The following IFT70B variants were observed in gnomAD, a reference collection of about 807,000 sequenced individuals.
IFT70B encodes the protein intraflagellar transport protein 70B.
chr2:177,551,922 G>T, the IFT70B span: 1 of 1,614,208 alleles, frequency 6.2e-7, no homozygotes, highest in South Asian at 1.1e-5. Context: ...CTCTTCCTCT[G>T]CCCTGGGTGG....
the IFT70B span, chr2:177,552,771 A>T: frequency 3.3e-6 from 5 of 1,534,946 alleles, no homozygotes; most frequent in South Asian, 5.0e-5. Context: ...CATAACCACC[A>T]CGGCTGTTAT....
At chr2:177,550,678 G>T in the IFT70B span, 1 of 1,221,508 alleles carries the variant, frequency 8.2e-7, no homozygotes, top group Non-Finnish European at 1.1e-6. Context: ...AGTTCAACAT[G>T]TAACAAATAT....
chr2:177,550,520 G>A, the IFT70B span: 4 of 345,258 alleles, frequency 1.2e-5, no homozygotes, highest in Admixed American at 4.5e-5. Context: ...GGAAACAAAC[G>A]TATTACAACT....
the IFT70B span, chr2:177,549,731 T>C: frequency 6.6e-6 from 1 of 152,216 alleles, no homozygotes; most frequent in African/African-American, 2.4e-5. Context: ...CAAATAACTC[T>C]TGGGAGTTGC....
At chr2:177,549,321 A>G in the IFT70B span, 1 of 152,346 alleles carries the variant, frequency 6.6e-6, no homozygotes, top group East Asian at 1.9e-4. Flanking sequence ...CAATAAGCCA[A>G]ATTTCCTGGT....
At chr2:177,551,061 A>G in the IFT70B span, 2 of 1,614,200 alleles carry the variant, frequency 1.2e-6, no homozygotes, top group Non-Finnish European at 1.7e-6. Flanking sequence ...CAAGCTTTTG[A>G]TAACTCGAGA....
chr2:177,550,903 G>T, the IFT70B span: 1 of 1,614,096 alleles, frequency 6.2e-7, no homozygotes, highest in Non-Finnish European at 8.5e-7. Context: ...CTGCCATGAA[G>T]TTCACAGTGT....
At chr2:177,552,686 G>A in the IFT70B span, 1 of 1,598,352 alleles carries the variant, frequency 6.3e-7, no homozygotes, top group Non-Finnish European at 8.5e-7. Context: ...CCTCGGCGTA[G>A]CGTGCATTGC....
At chr2:177,551,188 T>C in the IFT70B span, 1 of 1,613,874 alleles carries the variant, frequency 6.2e-7, no homozygotes, top group African/African-American at 1.3e-5. Context: ...TCTTCCTCCT[T>C]TTCAATCTTC....
chr2:177,552,479 ATAAAGGCAGGCCTTGTAC>A, the IFT70B span: 11 of 1,611,404 alleles, frequency 6.8e-6, no homozygotes, highest in Non-Finnish European at 9.3e-6. Context: ...TGGCCTCCGC[ATAAAGGCAGGCCTTGTAC>A]AGGGCCTGGG....
chr2:177,551,143 A>G, the IFT70B span: 1 of 1,614,156 alleles, frequency 6.2e-7, no homozygotes, highest in Non-Finnish European at 8.5e-7. Flanking sequence ...CAGAGATGGT[A>G]CATTTTCTTA....
the IFT70B span, chr2:177,550,185 T>C: frequency 4.9e-4 from 75 of 152,380 alleles, no homozygotes; most frequent in Non-Finnish European, 1.0e-3. Context: ...TGTCTCTACA[T>C]TATAGCACCA....
At chr2:177,552,689 T>C in the IFT70B span, 10 of 1,599,650 alleles carry the variant, frequency 6.3e-6, no homozygotes, top group South Asian at 7.8e-5. Context: ...CGGCGTAGCG[T>C]GCATTGCGGA....
chr2:177,550,620 C>T, the IFT70B span: 1 of 665,738 alleles, frequency 1.5e-6, no homozygotes, highest in Non-Finnish European at 2.3e-6. Flanking sequence ...GGAAATTTAA[C>T]AGCAAAAGTT....
the IFT70B span, chr2:177,552,250 C>T: frequency 1.9e-6 from 3 of 1,614,134 alleles, no homozygotes; most frequent in Non-Finnish European, 2.5e-6. Context: ...GAGCATGCAG[C>T]TTCATACTGT....
the IFT70B span, chr2:177,552,505 G>A: frequency 6.2e-7 from 1 of 1,606,310 alleles, no homozygotes; most frequent in South Asian, 1.1e-5. Context: ...TACAGGGCCT[G>A]GGCCTGGTAC....
chr2:177,551,057 T>C, the IFT70B span: 1 of 1,614,198 alleles, frequency 6.2e-7, no homozygotes, highest in Non-Finnish European at 8.5e-7. Context: ...GTTCCAAGCT[T>C]TTGATAACTC....
chr2:177,552,774 G>A, the IFT70B span: 5 of 1,522,208 alleles, frequency 3.3e-6, no homozygotes, highest in East Asian at 2.3e-5. Context: ...AACCACCACG[G>A]CTGTTATGGG....
the IFT70B span, chr2:177,552,412 G>A: frequency 1.9e-6 from 3 of 1,613,798 alleles, no homozygotes; most frequent in Non-Finnish European, 2.5e-6. Flanking sequence ...GCAGCTTGCA[G>A]GCGGAGGACC....
Sources: allele counts gnomAD v4.1 joint callset, GRCh38; gene constraint gnomAD v4.1.1; transcripts MANE v1.5; gene names NCBI Gene and HGNC (gene_info 2026-07-23, HGNC 2026-07-21).